Variants in C1orf21 observed in about 807,000 individuals in gnomAD.
The protein encoded by C1orf21 is chromosome 1 open reading frame 21.
Under a neutral mutation model 18.7 loss-of-function variants are expected in C1orf21, and 3 were observed. The ratio of observed to expected loss-of-function variants is 0.16; its 90% CI spans 0.07 to 0.42. C1orf21 has a LOEUF of 0.42. Among genes scored for constraint, C1orf21 ranks in the 10% least tolerant of loss-of-function variants. The pLI is 0.99. For missense variants in C1orf21, 104 were observed against 143.6 expected (o/e 0.72, Z 1.41); for synonymous variants, 41 against 46.4 (o/e 0.88, Z 0.47).
At chr1:184,593,573 G>T (rs1356138912) in intron 4 of C1orf21, among the ~76,000 whole-genome samples, 5 of 152,160 alleles carry the variant, frequency 3.3e-5, no homozygotes, top group Non-Finnish European at 5.9e-5. Flanking sequence ...TTGATATCAG[G>T]CAAGTGACCT....
intron 2 of C1orf21, among the ~76,000 whole-genome samples, chr1:184,493,763 T>C (rs557055517): frequency 6.6e-6 from 1 of 152,370 alleles, no homozygotes; most frequent in South Asian, 2.1e-4. Context: ...AAGAGATGTC[T>C]TTTTATCTGA....
intron 5 of C1orf21, among the ~76,000 whole-genome samples, chr1:184,613,280 T>C (rs1659767503): frequency 6.6e-6 from 1 of 152,190 alleles, no homozygotes; most frequent in Non-Finnish European, 1.5e-5. Context: ...AAATATAGTA[T>C]ATGTAGAGTT....
chr1:184,577,952 TG>T (rs1315736475), intron 3 of C1orf21, among the ~76,000 whole-genome samples: 14,675 of 94,544 alleles, frequency 0.16, 912 homozygotes, highest in East Asian at 0.26. Flanking sequence ...GTTTTGTTTT[TG>T]TTTTTTTTTT....
intron 1 of C1orf21, among the ~76,000 whole-genome samples, chr1:184,449,735 T>C (rs1383131256): frequency 6.6e-6 from 1 of 152,192 alleles, no homozygotes; most frequent in African/African-American, 2.4e-5. Context: ...CTCAACATGA[T>C]ACATACAGTA....
chr1:184,413,203 A>G (rs898020630), intron 1 of C1orf21, among the ~76,000 whole-genome samples: 1 of 152,242 alleles, frequency 6.6e-6, no homozygotes, highest in African/African-American at 2.4e-5. Flanking sequence ...CTTCAAGGGA[A>G]GGAGTGACTG....
chr1:184,550,526 CTTTG>C (rs541679341), intron 3 of C1orf21, among the ~76,000 whole-genome samples: 80 of 152,016 alleles, frequency 5.3e-4, no homozygotes, highest in African/African-American at 1.5e-3. Flanking sequence ...TTGTTTGTTT[CTTTG>C]TTTGTTTGTT....
In C1orf21 at chr1:184,410,137, C is replaced by T. The variant is rs185692060; in HGVS notation, c.-125+22769C>T. Reference sequence around the variant, plus strand: ...TTGTTCTGGCCAAAGAAAAAAAGAACTATATTAGATAAAAGATCTGTGAAT... The same window carrying T: ...TTGTTCTGGCCAAAGAAAAAAAGAATTATATTAGATAAAAGATCTGTGAAT... On this transcript the variant is annotated intron_variant, in intron 1 of 5. Coordinates refer to ENST00000235307, the MANE Select transcript of C1orf21 (RefSeq NM_030806.4). Among the ~76,000 whole-genome samples, 14 of 152,112 alleles carry T rather than the reference C, an allele frequency of 9.2e-5. No individual in the cohort carries two copies. The East Asian group carries it at 2.5e-3, about 27-fold the overall frequency.
chr1:184,488,671 T>C (rs951695128), intron 2 of C1orf21, among the ~76,000 whole-genome samples: 8 of 152,250 alleles, frequency 5.3e-5, no homozygotes, highest in African/African-American at 1.7e-4. Context: ...AACTGTCAAA[T>C]AAGAAACTGT....
At chr1:184,458,763 A>G (rs1442393725) in intron 1 of C1orf21, among the ~76,000 whole-genome samples, 1 of 152,256 alleles carries the variant, frequency 6.6e-6, no homozygotes, top group Non-Finnish European at 1.5e-5. Context: ...AAGCAAACTT[A>G]GACTAATTCA....
rs1446512084 is a variant in C1orf21 at position 184,577,474 on chromosome 1, G to A, written c.190-13265G>A. Among the ~76,000 whole-genome samples the A allele has an allele frequency of 5.5e-4, 83 of 152,106 alleles. 1 individual carries two copies. Among genetic ancestry groups the A allele is most frequent in the Non-Finnish European group, 1.0e-4 (7 of 68,018 alleles). The stretch of plus-strand genomic sequence containing the variant: ...GAATGTGTGTTAATTTGTTAAAGCA[G>A]CAGTAGGAAAATAATATAGCAGATT... On this transcript the variant is annotated intron_variant, in intron 3 of 5. Transcript: ENST00000235307.
intron 3 of C1orf21, among the ~76,000 whole-genome samples, chr1:184,587,262 CTT>C (rs35263651): frequency 0.11 from 8,290 of 76,414 alleles, 314 homozygotes; most frequent in African/African-American, 0.17. Context: ...GCTATTTGGG[CTT>C]TTTTTTTTTT....
At chr1:184,461,617 T>C (rs564666764) in intron 1 of C1orf21, among the ~76,000 whole-genome samples, 1 of 152,190 alleles carries the variant, frequency 6.6e-6, no homozygotes, top group African/African-American at 2.4e-5. Flanking sequence ...ATCTGTTTTT[T>C]TGGGATGAGT....
intron 1 of C1orf21, among the ~76,000 whole-genome samples, chr1:184,475,740 T>G (rs1203664728): frequency 1.2e-5 from 1 of 83,912 alleles, no homozygotes; most frequent in Non-Finnish European, 2.4e-5. Context: ...ATAGGGTGTG[T>G]GTGTGTGTGT....
intron 3 of C1orf21, among the ~76,000 whole-genome samples, chr1:184,543,507 A>G (rs968679126): frequency 6.6e-6 from 1 of 152,326 alleles, no homozygotes. Context: ...ATTAAAGACC[A>G]TTTGAAATCA....
chr1:184,606,446 G>A (rs917222939), intron 5 of C1orf21, among the ~76,000 whole-genome samples: 7 of 152,128 alleles, frequency 4.6e-5, no homozygotes, highest in Admixed American at 3.9e-4. Flanking sequence ...CAGGTATGGT[G>A]GCATTCACCT....
At chr1:184,477,863 C>T (rs1657595858) in intron 2 of C1orf21, among the ~76,000 whole-genome samples, 2 of 152,170 alleles carry the variant, frequency 1.3e-5, no homozygotes, top group African/African-American at 4.8e-5. Flanking sequence ...AGTCACCCTA[C>T]TCTGTTATGG....
intron 3 of C1orf21, among the ~76,000 whole-genome samples, chr1:184,563,495 T>G (rs751500690): frequency 2.0e-5 from 3 of 152,152 alleles, no homozygotes; most frequent in Non-Finnish European, 4.4e-5. Context: ...ACCTTAAAAT[T>G]GTTCAACAGC....
chr1:184,444,629 A>C (rs574198470), intron 1 of C1orf21, among the ~76,000 whole-genome samples: 1 of 152,218 alleles, frequency 6.6e-6, no homozygotes, highest in South Asian at 2.1e-4. Context: ...CCTACTTACT[A>C]TCTGTGAGAC....
At chr1:184,472,472 T>C (rs953889409) in intron 1 of C1orf21, among the ~76,000 whole-genome samples, 5 of 152,188 alleles carry the variant, frequency 3.3e-5, no homozygotes, top group African/African-American at 1.2e-4. Flanking sequence ...TCTACAATAT[T>C]TTTGCCTTTT....
Sources: allele counts gnomAD v4.1 joint callset (sites outside exome capture counted in the v4.1 genomes callset), GRCh38; gene constraint gnomAD v4.1.1; transcripts MANE v1.5; gene names NCBI Gene and HGNC (gene_info 2026-07-23, HGNC 2026-07-21).